Variants in RIMS1 observed in about 807,000 individuals in gnomAD.
RIMS1 encodes the protein regulating synaptic membrane exocytosis 1.
A neutral mutation model predicts 214.1 loss-of-function variants in RIMS1; 83 were observed. The ratio of observed to expected loss-of-function variants is 0.39; its 90% CI spans 0.32 to 0.47. RIMS1 has a LOEUF of 0.47. Ranked by LOEUF, RIMS1 falls within the 20% of genes least tolerant of loss-of-function variation. The pLI is 0.99. For missense variants in RIMS1, 2,050 were observed against 2,161.8 expected, an observed-to-expected ratio of 0.95 and a Z score of 1.03; for synonymous variants, 793 against 786.8, an observed-to-expected ratio of 1.01 and a Z score of -0.13.
At chr6:71,993,703 T>C (rs1802557090) in intron 2 of RIMS1, among the ~76,000 whole-genome samples, 1 of 152,170 alleles carries the variant, frequency 6.6e-6, no homozygotes, top group African/African-American at 2.4e-5. Flanking sequence ...TGAACCTACA[T>C]CAACCGTTTT....
At chr6:72,390,246 G>A (rs2098681390) in intron 29 of RIMS1, among the ~76,000 whole-genome samples, 1 of 152,150 alleles carries the variant, frequency 6.6e-6, no homozygotes, top group Non-Finnish European at 1.5e-5. Context: ...TCCGTATTAG[G>A]AGAAACCTAT....
intron 28 of RIMS1, among the ~76,000 whole-genome samples, chr6:72,323,062 T>C (rs1203695244): frequency 2.0e-5 from 3 of 152,098 alleles, no homozygotes; most frequent in African/African-American, 7.2e-5. Context: ...CAAACACTTT[T>C]GATTTCTTTT....
chr6:72,216,207 A>G (rs1363546666), intron 6 of RIMS1, among the ~76,000 whole-genome samples: 1 of 152,188 alleles, frequency 6.6e-6, no homozygotes, highest in African/African-American at 2.4e-5. Context: ...ATATGGGTGG[A>G]TGAAGTAAAA....
intron 24 of RIMS1, among the ~76,000 whole-genome samples, chr6:72,286,117 A>C (rs553964424): frequency 6.6e-6 from 1 of 152,106 alleles, no homozygotes; most frequent in South Asian, 2.1e-4. Flanking sequence ...GAATTGCTTG[A>C]ACCTAGGAGG....
chr6:71,989,552 AAATTAC>A (rs1157580717), intron 2 of RIMS1, among the ~76,000 whole-genome samples: 8 of 152,222 alleles, frequency 5.3e-5, no homozygotes, highest in East Asian at 3.8e-4. Context: ...AGCATGAGAA[AAATTAC>A]AATTACAATT....
intron 1 of RIMS1, among the ~76,000 whole-genome samples, chr6:71,959,933 T>C (rs1792426847): frequency 6.6e-6 from 1 of 152,132 alleles, no homozygotes; most frequent in Non-Finnish European, 1.5e-5. Context: ...ATATATGATA[T>C]GTGACTATGT....
chr6:72,036,614 T>C (rs1379756369), intron 2 of RIMS1, among the ~76,000 whole-genome samples: 2 of 152,278 alleles, frequency 1.3e-5, no homozygotes, highest in East Asian at 3.9e-4. Flanking sequence ...TTTCACTTAA[T>C]AACTGAGCTT....
chr6:72,148,470 T>A (rs62408083), intron 4 of RIMS1: 14,267 of 367,730 alleles, frequency 0.039, 428 homozygotes, highest in Middle Eastern at 0.075. Flanking sequence ...TGGGTGCCAG[T>A]GTGACCTTCA....
At chr6:72,295,635 C>G (rs1318589364) in intron 26 of RIMS1, among the ~76,000 whole-genome samples, 1 of 151,614 alleles carries the variant, frequency 6.6e-6, no homozygotes, top group East Asian at 1.9e-4. Flanking sequence ...AAATTTTATA[C>G]AGCTCTTAAA....
At chr6:72,249,061 AC>A (rs1412671611) in intron 12 of RIMS1, among the ~76,000 whole-genome samples, 3 of 152,194 alleles carry the variant, frequency 2.0e-5, no homozygotes, top group Non-Finnish European at 4.4e-5. Flanking sequence ...AAATGGATTT[AC>A]ACAGATCCAG....
chr6:72,077,503 T>C (rs1832221421), intron 2 of RIMS1, among the ~76,000 whole-genome samples: 2 of 152,224 alleles, frequency 1.3e-5, no homozygotes, highest in Non-Finnish European at 2.9e-5. Flanking sequence ...TAAGGGGCTA[T>C]GTCCAAAGTT....
intron 6 of RIMS1, among the ~76,000 whole-genome samples, chr6:72,218,043 A>G (rs567465138): frequency 6.6e-6 from 1 of 151,714 alleles, no homozygotes; most frequent in African/African-American, 2.4e-5. Flanking sequence ...AAAAGACACA[A>G]TTATTAAATG....
At chr6:72,090,421 C>A (rs1835903481) in intron 2 of RIMS1, among the ~76,000 whole-genome samples, 1 of 152,022 alleles carries the variant, frequency 6.6e-6, no homozygotes, top group Admixed American at 6.6e-5. Context: ...CAGAAAACTC[C>A]ATTATTTAAC....
intron 31 of RIMS1, among the ~76,000 whole-genome samples, chr6:72,393,670 T>A (rs2098737253): frequency 6.6e-6 from 1 of 151,580 alleles, no homozygotes; most frequent in Non-Finnish European, 1.5e-5. Flanking sequence ...GAGCTTGCAG[T>A]GAGCCCAGAT....
At chr6:71,979,116 T>A (rs934801947) in intron 2 of RIMS1, among the ~76,000 whole-genome samples, 1 of 152,122 alleles carries the variant, frequency 6.6e-6, no homozygotes, top group African/African-American at 2.4e-5. Context: ...TCTTTCTGAA[T>A]GCTCAGAGAA....
At chr6:72,168,722 T>C (rs998396265) in intron 4 of RIMS1, among the ~76,000 whole-genome samples, 1 of 1,264 alleles carries the variant, frequency 7.9e-4, no homozygotes, top group East Asian at 0.05. Context: ...AGTTTCAGGG[T>C]TTTTTTTTTT....
intron 29 of RIMS1, among the ~76,000 whole-genome samples, chr6:72,354,000 AC>A (rs1000330085): frequency 2.0e-5 from 3 of 152,070 alleles, no homozygotes; most frequent in African/African-American, 7.2e-5. Flanking sequence ...AAGGTGAATC[AC>A]CTGAGGTCAG....
intron 6 of RIMS1, among the ~76,000 whole-genome samples, chr6:72,202,449 A>G (rs1249672132): frequency 2.0e-5 from 3 of 151,118 alleles, no homozygotes; most frequent in Non-Finnish European, 3.0e-5. Flanking sequence ...CTCTTCTTGT[A>G]AGGATACCAG....
intron 2 of RIMS1, among the ~76,000 whole-genome samples, chr6:72,045,736 T>A (rs1822811483): frequency 1.3e-5 from 2 of 151,894 alleles, no homozygotes; most frequent in African/African-American, 4.8e-5. Context: ...TCATTTGTAT[T>A]TTTTTACTAC....
Sources: allele counts gnomAD v4.1 joint callset (sites outside exome capture counted in the v4.1 genomes callset), GRCh38; gene constraint gnomAD v4.1.1; transcripts MANE v1.5; gene names NCBI Gene and HGNC (gene_info 2026-07-23, HGNC 2026-07-21).